Variants in NLGN4X observed in about 807,000 individuals in gnomAD.
NLGN4X encodes neuroligin 4 X-linked.
In NLGN4X, 3 loss-of-function variants were observed where a neutral mutation model predicts 40.3. That is an observed-to-expected ratio of 0.07 (90% CI 0.03 to 0.19). NLGN4X has a LOEUF of 0.19. Ranked by LOEUF, NLGN4X falls within the 10% of genes least tolerant of loss-of-function variation. NLGN4X has a pLI of 1.00. For missense variants in NLGN4X, 382 were observed against 708.3 expected (o/e 0.54, Z 5.23); for synonymous variants, 270 against 306.8 (o/e 0.88, Z 1.25).
At chrX:6,076,535 T>G (rs57108256) in intron 2 of NLGN4X, among the ~76,000 whole-genome samples, 21,846 of 111,492 alleles carry the variant, frequency 0.2, 1,845 homozygotes, top group South Asian at 0.27. Context: ...ATATTTTACA[T>G]GCTGGAATGG....
At chrX:6,175,529 G>A (rs1443274560) in intron 1 of NLGN4X, among the ~76,000 whole-genome samples, 1 of 108,483 alleles carries the variant, frequency 9.2e-6, no homozygotes, top group African/African-American at 3.4e-5. Context: ...GTAAGAAATA[G>A]AACTAGAAGT....
chrX:6,043,514 T>G (rs1456843653), intron 2 of NLGN4X, among the ~76,000 whole-genome samples: 1 of 111,794 alleles, frequency 8.9e-6, no homozygotes, highest in Non-Finnish European at 1.9e-5. Context: ...AGCAGCTGAT[T>G]AATAGGTGGA....
intron 3 of NLGN4X, among the ~76,000 whole-genome samples, chrX:5,990,818 T>C (rs1329093664): frequency 9.0e-6 from 1 of 111,022 alleles, no homozygotes; most frequent in African/African-American, 3.3e-5. Context: ...GAAAAGTACC[T>C]GATACTGGAT....
chrX:5,958,590 C>G (rs1165157548), intron 3 of NLGN4X, among the ~76,000 whole-genome samples: 1 of 111,502 alleles, frequency 9.0e-6, no homozygotes, highest in Non-Finnish European at 1.9e-5. Context: ...AATGGTTTTC[C>G]AAAGTAAAAA....
At chrX:6,183,763 A>G (rs1405734402) in intron 1 of NLGN4X, among the ~76,000 whole-genome samples, 1 of 111,545 alleles carries the variant, frequency 9.0e-6, no homozygotes, top group Non-Finnish European at 1.9e-5. Flanking sequence ...ATGTGGTACT[A>G]TTTTATCCCT....
intron 3 of NLGN4X, among the ~76,000 whole-genome samples, chrX:5,930,342 C>T (rs1247591897): frequency 2.7e-5 from 3 of 112,053 alleles, no homozygotes; most frequent in African/African-American, 9.7e-5. Context: ...AGCACTTAAA[C>T]GGTGTGCCCT....
At chrX:5,987,485 T>C (rs1486934123) in intron 3 of NLGN4X, among the ~76,000 whole-genome samples, 2 of 112,783 alleles carry the variant, frequency 1.8e-5, no homozygotes, top group African/African-American at 3.2e-5. Context: ...GCATGGAGCA[T>C]TGATAATATA....
In NLGN4X at chrX:5,900,899, A is replaced by C. The variant is rs757927863; in HGVS notation, c.1601+2178T>G. Among the ~76,000 whole-genome samples, 13 of 110,870 alleles carry C rather than the reference A, an allele frequency of 1.2e-4. No individual in the cohort carries two copies. The East Asian group carries it at 3.7e-3, about 31-fold the overall frequency. ...CCAGCATAGCCATACAGTTTTGGAT[A>C]CTCTGATAACAGCAGTCCCAACAAA... On this transcript the variant is annotated intron_variant, in intron 5 of 5. Transcript: ENST00000381095.
At chrX:6,227,232 A>T (rs1030148209) in intron 1 of NLGN4X, 2 of 109,856 alleles carry the variant, frequency 1.8e-5, no homozygotes, top group Non-Finnish European at 3.8e-5. Flanking sequence ...TGCGTTTTCC[A>T]GGGCTGTAGA....
chrX:6,126,243 G>A (rs188110209), intron 2 of NLGN4X, among the ~76,000 whole-genome samples: 75 of 111,200 alleles, frequency 6.7e-4, no homozygotes, highest in African/African-American at 2.2e-3. Flanking sequence ...TCTCCTCAAC[G>A]CTGCATTTAC....
At chrX:6,219,396 T>C (rs1220657230) in intron 1 of NLGN4X, among the ~76,000 whole-genome samples, 2 of 65,392 alleles carry the variant, frequency 3.1e-5, no homozygotes, top group Non-Finnish European at 5.8e-5. Flanking sequence ...CTTCTTTCCT[T>C]CTTTCCTTCA....
intron 2 of NLGN4X, among the ~76,000 whole-genome samples, chrX:6,094,807 A>G (rs775099626): frequency 9.0e-6 from 1 of 111,624 alleles, no homozygotes; most frequent in Admixed American, 9.6e-5. Context: ...CTTGAGCCAC[A>G]GAAATACAGA....
Position 6,061,254 on chromosome X carries a change from G to T in NLGN4X, c.473-31822C>A, listed in dbSNP as rs183533784. ...CCCTTAGCGAACTTTGAACATGAGC[G>T]AGAAATCAACTTTAGTGGCTGTGGA... is the stretch of plus-strand genomic sequence containing the variant. On this transcript the variant is annotated intron_variant, in intron 2 of 5. Coordinates refer to ENST00000381095, the MANE Select transcript of NLGN4X (RefSeq NM_181332.3). Among the ~76,000 whole-genome samples, 268 of 111,310 alleles carry T rather than the reference G, an allele frequency of 2.4e-3. 1 individual carries two copies. The highest frequency in any genetic ancestry group is 7.8e-3 in the African/African-American group (240 of 30,690).
At chrX:5,987,901 C>G (rs143284748) in intron 3 of NLGN4X, among the ~76,000 whole-genome samples, 1 of 111,590 alleles carries the variant, frequency 9.0e-6, no homozygotes, top group East Asian at 2.8e-4. Flanking sequence ...TAGTAAGACT[C>G]TGTCTCAGTG....
rs1368987823 is a variant in NLGN4X at position 5,891,266 on chromosome X, G to C, written c.*1551C>G. ...TCAGTGAAGTTATCCTAATTTCCCA[G>C]AAAACCCATGCAAAGCAGTTTTAAT... On this transcript the variant is annotated 3_prime_UTR_variant, in exon 6 of 6. Coordinates refer to ENST00000381095, the MANE Select transcript of NLGN4X (RefSeq NM_181332.3). 4.3e-6 allele frequency: 1 copy of C among 233,721 alleles called. No individual in the cohort carries two copies. Among genetic ancestry groups the C allele is most frequent in the Non-Finnish European group, 7.7e-6 (1 of 129,933 alleles). 19.3% of individuals were successfully genotyped at this position (233,721 alleles called of 1,213,427 possible).
rs12396996 is a variant in NLGN4X, at chrX:6,095,106, T to C, written c.472+55889A>G. On this transcript the variant is annotated intron_variant, in intron 2 of 5. Transcript: ENST00000381095. ...AAGGCTTTAAGTACGTGCGTGCGTGTGTGTGTGTGTGTGTGTGTGTGTGTG... is the reference window on the plus strand; with the variant it reads ...AAGGCTTTAAGTACGTGCGTGCGTGCGTGTGTGTGTGTGTGTGTGTGTGTG... 9.3e-3 allele frequency among the ~76,000 whole-genome samples: 28 copies of C among 3,013 alleles called. 1 individual carries two copies. The highest frequency in any genetic ancestry group is 0.017 in the African/African-American group (19 of 1,102). The allele number at this position is 3,013 out of a possible 115,157, so 2.6% of individuals were successfully genotyped here.
chrX:6,165,530 G>T lies in NLGN4X; in HGVS notation c.-305-13759C>A, dbSNP rs185046071. 2.7e-5 allele frequency among the ~76,000 whole-genome samples: 3 copies of T among 111,701 alleles called. 1 individual carries two copies. Among genetic ancestry groups the T allele is most frequent in the African/African-American group, 9.7e-5 (3 of 30,790 alleles). On this transcript the variant is annotated intron_variant, in intron 1 of 5. Transcript: ENST00000381095. ...CAGTAAATAGCAGTCAATATTAATT[G>T]ATATTGACACTTCCAAGCTTTTTAA...
At chrX:5,901,778 GTA>G (rs991156754) in intron 5 of NLGN4X, among the ~76,000 whole-genome samples, 6 of 105,194 alleles carry the variant, frequency 5.7e-5, no homozygotes, top group Non-Finnish European at 7.7e-5. Context: ...ACGTATTTGT[GTA>G]TATATATATT....
At chrX:5,897,932 CCCT>C (rs989267076) in intron 5 of NLGN4X, among the ~76,000 whole-genome samples, 1 of 94,118 alleles carries the variant, frequency 1.1e-5, no homozygotes, top group African/African-American at 3.9e-5. Context: ...CTCTCTCTTA[CCCT>C]CCTTTTCCCT....
Sources: gnomAD v4.1 joint callset for allele counts (sites outside exome capture counted in the v4.1 genomes callset) on GRCh38, gnomAD v4.1.1 for gene constraint, MANE v1.5 for transcripts, NCBI Gene and HGNC (gene_info 2026-07-23, HGNC 2026-07-21) for gene names.